Variants in BIN1 observed in about 807,000 individuals in gnomAD.
The protein encoded by BIN1 is bridging integrator 1.
A neutral mutation model predicts 82.0 loss-of-function variants in BIN1; 53 were observed. The ratio of observed to expected loss-of-function variants is 0.65; its 90% CI spans 0.52 to 0.81. BIN1 has a LOEUF of 0.81. Ranked by LOEUF, BIN1 falls within the 40% of genes least tolerant of loss-of-function variation. The pLI is 0.00. For synonymous variants in BIN1, 302 were observed against 328.0 expected (o/e 0.92, Z 0.86); for missense variants, 642 against 784.4 (o/e 0.82, Z 2.17).
At position 127,106,790 on chromosome 2, in the gene BIN1, T is replaced by C. The variant is rs181585037; in HGVS notation, c.84+70A>G. 2.6e-4 allele frequency: 402 copies of C among 1,524,254 alleles called. No homozygotes were observed. The African/African-American group carries it at 2.7e-3, about 10-fold the overall frequency. The allele number at this position is 1,524,254 out of a possible 1,614,324, so 94.4% of individuals were successfully genotyped here. The stretch of plus-strand genomic sequence containing the variant: ...AGGACCAGGCCCCGGGGTCGGAGGA[T>C]AGGGGGACAGGTGGCCGGGGCTCCG... On this transcript the variant is annotated intron_variant, in intron 1 of 18. Coordinates refer to ENST00000316724, the MANE Select transcript of BIN1 (RefSeq NM_139343.3).
chr2:127,067,384 C>T lies in BIN1; in HGVS notation c.612+779G>A, dbSNP rs934288764. On this transcript the variant is annotated intron_variant, in intron 7 of 18. Coordinates refer to ENST00000316724, the MANE Select transcript of BIN1 (RefSeq NM_139343.3). This position sits in a 1 kb window ranked among gnomAD's most constrained non-coding sequence, Gnocchi z 4.7. ...CTGCATCCAGTGGTCCCTGGCCACA[C>T]TGTAACCCATTTGGAGGGCAGGGGG... is the stretch of plus-strand genomic sequence containing the variant. 6.6e-6 allele frequency among the ~76,000 whole-genome samples: 1 copy of T among 152,228 alleles called. No individual in the cohort carries two copies. The highest frequency in any genetic ancestry group is 1.5e-5 in the Non-Finnish European group (1 of 68,036).
At chr2:127,103,703 G>T (rs146383486) in intron 1 of BIN1, among the ~76,000 whole-genome samples, 1 of 152,082 alleles carries the variant, frequency 6.6e-6, no homozygotes, top group African/African-American at 2.4e-5. Flanking sequence ...CTCCCCAGGC[G>T]CCCCATCCCG....
chr2:127,089,232 G>T (rs1487270387), intron 1 of BIN1, among the ~76,000 whole-genome samples: 1 of 152,174 alleles, frequency 6.6e-6, no homozygotes, highest in African/African-American at 2.4e-5. Flanking sequence ...TGCACATGCG[G>T]CCTCGGCCCC....
chr2:127,104,512 T>C (rs1243796524), intron 1 of BIN1, among the ~76,000 whole-genome samples: 1 of 152,064 alleles, frequency 6.6e-6, no homozygotes, highest in African/African-American at 2.4e-5. Context: ...GCCAGGACTC[T>C]CCCAGCCTCC....
At chr2:127,101,583 T>C (rs1680357164) in intron 1 of BIN1, among the ~76,000 whole-genome samples, 1 of 152,200 alleles carries the variant, frequency 6.6e-6, no homozygotes, top group African/African-American at 2.4e-5. Context: ...TTCTGCTGAC[T>C]CCTGGGTCCC....
chr2:127,086,931 C>G (rs1208464618), intron 1 of BIN1, among the ~76,000 whole-genome samples: 1 of 152,180 alleles, frequency 6.6e-6, no homozygotes, highest in African/African-American at 2.4e-5. Flanking sequence ...AAAGACTCAT[C>G]ACACTTTTCC....
At position 127,070,495 on chromosome 2, in the gene BIN1, C is replaced by T. The variant is rs1484260075; in HGVS notation, c.315+58G>A. The T allele has an allele frequency of 1.9e-6, 3 of 1,589,986 alleles. No individual in the cohort carries two copies. The Admixed American group carries it at 5.0e-5, about 27-fold the overall frequency. ...TCCCAGAGGGCACGGCAGAGTGGGA[C>T]AGGAGCTGAGACCAGAGGGCCCTCT... On this transcript the variant is annotated intron_variant, in intron 4 of 18. Transcript: ENST00000316724.
chr2:127,048,688 G>C, intron 18 of BIN1, 55 bp from the exon 19 acceptor site: 1 of 1,548,114 alleles, frequency 6.5e-7, no homozygotes, highest in South Asian at 1.1e-5. Flanking sequence ...CCACCCCACA[G>C]GGCACGCATC....
At chr2:127,106,300 C>A (rs996840196) in intron 1 of BIN1, among the ~76,000 whole-genome samples, 1 of 152,258 alleles carries the variant, frequency 6.6e-6, no homozygotes, top group Admixed American at 6.5e-5. Flanking sequence ...GGAAAGGAAA[C>A]CCAATCCCTC....
Position 127,070,589 on chromosome 2 carries a change from A to G in BIN1, c.279T>C (p.Asp93=), listed in dbSNP as rs770994335. The part of the protein sequence containing the change: ...NECLQEVYEP[D]WPGRDEANKI... ...TGTTTGCCTCATCCCTGCCGGGCCA[A>G]TCGGGCTCATACACCTCCTGCAGAC... is the stretch of plus-strand genomic sequence containing the variant. The change falls in exon 4 of 19, where the codon GAT becomes GAC. Residue 93 remains aspartate (D), a synonymous_variant. Coordinates refer to ENST00000316724, the MANE Select transcript of BIN1 (RefSeq NM_139343.3). 4.4e-5 allele frequency: 71 copies of G among 1,614,148 alleles called. No homozygotes were observed. The Admixed American group carries it at 1.0e-3, about 24-fold the overall frequency.
intron 10 of BIN1, among the ~76,000 whole-genome samples, chr2:127,060,300 CT>C (rs1278094163): frequency 1.3e-5 from 2 of 152,240 alleles, no homozygotes; most frequent in Non-Finnish European, 2.9e-5. Context: ...CCCAGGCCTC[CT>C]TCCCAGCCAC....
Position 127,068,200 on chromosome 2 carries a change from G to A in BIN1, c.575C>T (p.Ala192Val). Residue 192 changes from alanine to valine, a missense_variant, in exon 7 of 19, where the codon GCT (alanine) becomes GTT (valine). Ala to Val is a moderately conservative substitution (Grantham distance 64, BLOSUM62 0). Coordinates refer to ENST00000316724, the MANE Select transcript of BIN1 (RefSeq NM_139343.3). The surrounding 1 kb of genome is among the most constrained non-coding windows in gnomAD (Gnocchi z 4.9). ...APQWCQGKLQ[A>V]HLVAQTNLLR... ...CAGGTTAGTTTGAGCTACGAGATGA[G>A]CCTGCAGTTTGCCTTGGCACCACTG... The A allele has an allele frequency of 6.2e-7, 1 of 1,613,890 alleles. No individual in the cohort carries two copies. The highest frequency in any genetic ancestry group is 1.1e-5 in the South Asian group (1 of 91,034).
chr2:127,081,695 C>A, intron 1 of BIN1: 2 of 969,154 alleles, frequency 2.1e-6, no homozygotes, highest in Non-Finnish European at 2.7e-6. Flanking sequence ...CGGCACCCCT[C>A]GTCCCTGCAG....
At position 127,057,039 on chromosome 2, in the gene BIN1, C is replaced by T. The variant is rs1021073712; in HGVS notation, c.1131+434G>A. 2.6e-5 allele frequency among the ~76,000 whole-genome samples: 4 copies of T among 152,204 alleles called. No individual in the cohort carries two copies. The highest frequency in any genetic ancestry group is 9.6e-5 in the African/African-American group (4 of 41,458). On this transcript the variant is annotated intron_variant, in intron 12 of 18. Coordinates refer to ENST00000316724, the MANE Select transcript of BIN1 (RefSeq NM_139343.3). The surrounding 1 kb of genome is among the most constrained non-coding windows in gnomAD (Gnocchi z 5.0). ...CGGCAGTTCTGCCCTGCAGCCTGGCCGCTGCCCCCGCCCTCGAGGGGCTGA... is the reference window on the plus strand; with the variant it reads ...CGGCAGTTCTGCCCTGCAGCCTGGCTGCTGCCCCCGCCCTCGAGGGGCTGA...
intron 14 of BIN1, 53 bp downstream of exon 14, chr2:127,053,369 T>C: frequency 6.2e-7 from 1 of 1,610,110 alleles, no homozygotes; most frequent in South Asian, 1.1e-5. Flanking sequence ...CCTGGACACA[T>C]ACGGAAGAGT....
In BIN1 at chr2:127,057,635, G is replaced by T. The variant is rs1181412988; in HGVS notation, c.1003-34C>A. 4.0e-6 allele frequency: 6 copies of T among 1,494,244 alleles called. No homozygotes were observed. The highest frequency in any genetic ancestry group is 2.3e-4 in the Middle Eastern group (1 of 4,284). The allele number at this position is 1,494,244 out of a possible 1,614,324, so 92.6% of individuals were successfully genotyped here. A position where few individuals can be genotyped will look rare whatever the true frequency, so the allele number is the denominator to read the frequency against. On this transcript the variant is annotated intron_variant, in intron 11 of 18. Coordinates refer to ENST00000316724, the MANE Select transcript of BIN1 (RefSeq NM_139343.3). This position sits in a 1 kb window ranked among gnomAD's most constrained non-coding sequence, Gnocchi z 5.0. ...CGGCGGCGGGTGAGGGGCCGCGCGG[G>T]AAGGCACAGCAGAGCACGGGGTTTG... is the stretch of plus-strand genomic sequence containing the variant.
At position 127,063,655 on chromosome 2, in the gene BIN1, G is replaced by A. The variant is rs762176559; in HGVS notation, c.699-9C>T. 2 of 1,613,012 alleles carry A rather than the reference G, an allele frequency of 1.2e-6. No homozygotes were observed. Among genetic ancestry groups the A allele is most frequent in the Admixed American group, 3.3e-5 (2 of 59,800 alleles). On this transcript the variant is annotated splice_polypyrimidine_tract_variant and intron_variant, in intron 8 of 18. Transcript: ENST00000316724. ...CGTAGAAACCTACGCGGCTACAGAA[G>A]GGCGGAAGGATGGGGGCCAGGTGAA...
At chr2:127,050,094 AGAG>A (rs1274204233) in intron 18 of BIN1, among the ~76,000 whole-genome samples, 6 of 152,140 alleles carry the variant, frequency 3.9e-5, no homozygotes, top group Non-Finnish European at 7.4e-5. Context: ...AGCTGCCAGG[AGAG>A]GAGAAGGGGA....
At chr2:127,053,235 G>C (rs1683188311) in intron 14 of BIN1, 187 bp downstream of exon 14, 1 of 790,656 alleles carries the variant, frequency 1.3e-6, no homozygotes, top group Non-Finnish European at 2.1e-6. Flanking sequence ...AGAGGGAGAA[G>C]CAGCAGAATG....
Sources: allele counts gnomAD v4.1 joint callset (sites outside exome capture counted in the v4.1 genomes callset), GRCh38; gene constraint gnomAD v4.1.1; non-coding constraint Gnocchi (gnomAD v3.1); transcripts MANE v1.5; gene names NCBI Gene and HGNC (gene_info 2026-07-23, HGNC 2026-07-21).